The following TGFBR3 variants were observed in gnomAD, a reference collection of about 807,000 sequenced individuals.
TGFBR3 encodes the protein transforming growth factor beta receptor 3.
Under a neutral mutation model 87.9 loss-of-function variants are expected in TGFBR3, and 46 were observed. That is an observed-to-expected ratio of 0.52 (90% CI 0.41 to 0.67). The LOEUF (loss-of-function observed/expected upper bound fraction) is 0.67. Among genes scored for constraint, TGFBR3 ranks in the 30% least tolerant of loss-of-function variants. The pLI, the probability that TGFBR3 is intolerant of heterozygous loss-of-function variation, is 0.00. For synonymous variants in TGFBR3, 381 were observed against 391.6 expected, an observed-to-expected ratio of 0.97 and a Z score of 0.32; for missense variants, 866 against 1,041.9, an observed-to-expected ratio of 0.83 and a Z score of 2.32.
chr1:91,758,189 C>CT (rs1673818093), intron 4 of TGFBR3, among the ~76,000 whole-genome samples: 1 of 152,222 alleles, frequency 6.6e-6, no homozygotes, highest in South Asian at 2.1e-4. Flanking sequence ...CAAACAGATC[C>CT]TCATATCAGG....
At chr1:91,870,551 A>G (rs1678543843) in intron 1 of TGFBR3, among the ~76,000 whole-genome samples, 1 of 152,228 alleles carries the variant, frequency 6.6e-6, no homozygotes, top group African/African-American at 2.4e-5. Flanking sequence ...TCAGAAGCTG[A>G]CATCTCTGCT....
Position 91,745,155 on chromosome 1 carries a change from C to T in TGFBR3, c.385-10196G>A, listed in dbSNP as rs77246451. ...TCGCACATCCAACTGCACACATGTC[C>T]GTGACTTTGGCATTGGTGGAAGTTC... On this transcript the variant is annotated intron_variant, in intron 4 of 16. Transcript: ENST00000212355. 4.6e-3 allele frequency among the ~76,000 whole-genome samples: 701 copies of T among 152,268 alleles called. 3 individuals carry two copies. Among genetic ancestry groups the T allele is most frequent in the Non-Finnish European group, 7.8e-3 (531 of 68,020 alleles).
chr1:91,895,337 A>G (rs1338907631), intron 2 of TGFBR3, among the ~76,000 whole-genome samples: 1 of 152,112 alleles, frequency 6.6e-6, no homozygotes, highest in East Asian at 1.9e-4. Context: ...CCACCATGTG[A>G]AACACCTGCT....
At chr1:91,905,539 T>G (rs1336562563) in intron 1 of TGFBR3, among the ~76,000 whole-genome samples, 1 of 152,100 alleles carries the variant, frequency 6.6e-6, no homozygotes, top group Non-Finnish European at 1.5e-5. Context: ...TTCAAGCGAT[T>G]CTCGTGCCTC....
At chr1:91,814,250 C>A (rs868013280) in intron 2 of TGFBR3, among the ~76,000 whole-genome samples, 1 of 152,164 alleles carries the variant, frequency 6.6e-6, no homozygotes, top group African/African-American at 2.4e-5. Flanking sequence ...CACACACACA[C>A]ATACATGCCA....
intron 4 of TGFBR3, among the ~76,000 whole-genome samples, chr1:91,738,158 C>T (rs1195404157): frequency 6.6e-6 from 1 of 152,218 alleles, no homozygotes; most frequent in Admixed American, 6.5e-5. Flanking sequence ...GGGGCACTGG[C>T]TCTGCAGATT....
rs375232472 is a variant in TGFBR3 at position 91,682,076 on chromosome 1, A to G, written c.*1663T>C. On this transcript the variant is annotated 3_prime_UTR_variant, in exon 17 of 17. Coordinates refer to ENST00000212355, the MANE Select transcript of TGFBR3 (RefSeq NM_003243.5). ...AAAAAATGTTCCTTATTGAATGTGTATATCTATCAGGTAAGTCATATTATT... is the reference window on the plus strand; with the variant it reads ...AAAAAATGTTCCTTATTGAATGTGTGTATCTATCAGGTAAGTCATATTATT... 1.5e-5 allele frequency: 7 copies of G among 453,910 alleles called. No homozygotes were observed. The highest frequency in any genetic ancestry group is 6.9e-5 in the East Asian group (1 of 14,402). The allele number at this position is 453,910 out of a possible 1,614,324, so 28.1% of individuals were successfully genotyped here.
At chr1:91,873,157 G>C (rs1212947098) in intron 1 of TGFBR3, among the ~76,000 whole-genome samples, 1 of 151,848 alleles carries the variant, frequency 6.6e-6, no homozygotes, top group Admixed American at 6.6e-5. Flanking sequence ...TTTTTATGGA[G>C]ATGGGGTCTC....
chr1:91,770,385 G>C (rs1365136882), intron 3 of TGFBR3, among the ~76,000 whole-genome samples: 1 of 152,056 alleles, frequency 6.6e-6, no homozygotes. Context: ...TCTAGTCTCT[G>C]ATCTGCCACC....
intron 7 of TGFBR3, among the ~76,000 whole-genome samples, chr1:91,724,187 T>C (rs1254851186): frequency 6.6e-6 from 1 of 151,618 alleles, no homozygotes; most frequent in Non-Finnish European, 1.5e-5. Context: ...CTTACTCCAA[T>C]TCAGAAAAAA....
chr1:91,693,330 G>T (rs559156591), intron 16 of TGFBR3, among the ~76,000 whole-genome samples: 1 of 152,294 alleles, frequency 6.6e-6, no homozygotes, highest in East Asian at 1.9e-4. Context: ...AATTCATTTT[G>T]CTGGAAAGCA....
chr1:91,821,483 A>G (rs1231923296), intron 2 of TGFBR3, among the ~76,000 whole-genome samples: 1 of 152,236 alleles, frequency 6.6e-6, no homozygotes, highest in Non-Finnish European at 1.5e-5. Flanking sequence ...TATCATAAAA[A>G]TAATTCTGAC....
intron 1 of TGFBR3, among the ~76,000 whole-genome samples, chr1:91,904,569 T>TA (rs1469660970): frequency 6.7e-6 from 1 of 148,170 alleles, no homozygotes; most frequent in Admixed American, 6.7e-5. Flanking sequence ...GCTGATTTTT[T>TA]TTTTTTTTTT....
At chr1:91,840,256 A>C (rs1236664206) in intron 2 of TGFBR3, among the ~76,000 whole-genome samples, 1 of 151,394 alleles carries the variant, frequency 6.6e-6, no homozygotes, top group Non-Finnish European at 1.5e-5. Context: ...TGGGAGGCAG[A>C]GTTTGCAGTG....
At position 91,859,801 on chromosome 1, in the gene TGFBR3, C is replaced by T. The variant is rs1678104434; in HGVS notation, c.61+1670G>A. On this transcript the variant is annotated intron_variant, in intron 2 of 16. Transcript: ENST00000212355. ...GCACACGCCTGTAGTCCCAGCTACT[C>T]GGAAGGCTGAGGCAGGAGAATCGCT... 3.3e-5 allele frequency among the ~76,000 whole-genome samples: 5 copies of T among 150,542 alleles called. No individual in the cohort carries two copies. In the Admixed American group the frequency reaches 3.3e-4, roughly 10 times the overall value.
chr1:91,769,801 T>A (rs1674311999), intron 3 of TGFBR3, among the ~76,000 whole-genome samples: 1 of 152,130 alleles, frequency 6.6e-6, no homozygotes, highest in African/African-American at 2.4e-5. Context: ...TGCAAAGGTT[T>A]CTATTTCCCT....
intron 2 of TGFBR3, among the ~76,000 whole-genome samples, chr1:91,809,144 GCTACAAAGCTA>G (rs1007243943): frequency 6.6e-6 from 1 of 152,156 alleles, no homozygotes; most frequent in African/African-American, 2.4e-5. Flanking sequence ...GACTTGCAGA[GCTACAAAGCTA>G]CACCTCATTA....
At chr1:91,710,406 G>A (rs1450067138) in intron 13 of TGFBR3, among the ~76,000 whole-genome samples, 1 of 152,018 alleles carries the variant, frequency 6.6e-6, no homozygotes, top group African/African-American at 2.4e-5. Flanking sequence ...CTTTCCTATT[G>A]AGCTCTTCAG....
intron 16 of TGFBR3, among the ~76,000 whole-genome samples, chr1:91,694,875 C>A (rs547813891): frequency 5.9e-5 from 9 of 152,174 alleles, no homozygotes; most frequent in Non-Finnish European, 1.3e-4. Flanking sequence ...AAATGCATGT[C>A]ACTCCTGCCC....
Sources: allele counts gnomAD v4.1 joint callset (sites outside exome capture counted in the v4.1 genomes callset), GRCh38; gene constraint gnomAD v4.1.1; transcripts MANE v1.5; gene names NCBI Gene and HGNC (gene_info 2026-07-23, HGNC 2026-07-21).